The following SLC29A3 variants were observed in gnomAD, a reference collection of about 807,000 sequenced individuals.
The protein encoded by SLC29A3 is solute carrier family 29 member 3, also known as equilibrative nucleoside transporter 3.
SLC29A3 carries 18 observed loss-of-function variants against 25.4 expected under a neutral mutation model. The observed-to-expected ratio is 0.71, with a 90% CI of 0.49 to 1.05. The LOEUF (loss-of-function observed/expected upper bound fraction) is 1.05. Ranked by LOEUF, SLC29A3 falls within the 50% of genes least tolerant of loss-of-function variation. The probability of loss-of-function intolerance (pLI) is 0.00; values close to 1 mark genes in which losing one functional copy is unlikely to be tolerated. For missense variants in SLC29A3, 586 were observed against 609.0 expected, an observed-to-expected ratio of 0.96 and a Z score of 0.40; for synonymous variants, 258 against 267.1, an observed-to-expected ratio of 0.97 and a Z score of 0.33.
chr10:71,378,095 T>TGGGG (rs35084756), intron 4 of SLC29A3, among the ~76,000 whole-genome samples: 4 of 112,804 alleles, frequency 3.5e-5, no homozygotes, highest in Non-Finnish European at 5.2e-5. Context: ...TAGACAATGT[T>TGGGG]GGGGGGGGGG....
Position 71,362,746 on chromosome 10 carries a change from C to G in SLC29A3, c.*138C>G. The G allele has an allele frequency of 8.7e-7, 1 of 1,153,402 alleles. No individual in the cohort carries two copies. The highest frequency in any genetic ancestry group is 1.3e-6 in the Non-Finnish European group (1 of 791,462). 71.4% of individuals were successfully genotyped at this position (1,153,402 alleles called of 1,614,324 possible). A position where few individuals can be genotyped will look rare whatever the true frequency, so the allele number is the denominator to read the frequency against. ...CAGAGCACACTCGGGCCTCATCCCT[C>G]CCAAGATGCCAGTGAGCCACGTCCA... On this transcript the variant is annotated 3_prime_UTR_variant, in exon 6 of 6. Coordinates refer to ENST00000373189, the MANE Select transcript of SLC29A3 (RefSeq NM_018344.6).
At chr10:71,324,021 G>A (rs540960929) in intron 2 of SLC29A3, among the ~76,000 whole-genome samples, 170 of 152,282 alleles carry the variant, frequency 1.1e-3, no homozygotes, top group African/African-American at 4.0e-3. Context: ...GGGGGCAGTA[G>A]GGGAAGAGGA....
intron 3 of SLC29A3, among the ~76,000 whole-genome samples, chr10:71,350,349 G>GTGTGTGTGTA (rs1846721431): frequency 6.7e-6 from 1 of 148,550 alleles, no homozygotes; most frequent in Non-Finnish European, 1.5e-5. Flanking sequence ...GTGTGTGTGT[G>GTGTGTGTGTA]TATTTTTCCT....
At chr10:71,335,781 C>T (rs11815656) in intron 2 of SLC29A3, among the ~76,000 whole-genome samples, 29,002 of 151,962 alleles carry the variant, frequency 0.19, 3,123 homozygotes, top group Non-Finnish European at 0.25. Flanking sequence ...GACCCCCAAG[C>T]GGTTGTTCTG....
downstream of SLC29A3, chr10:71,366,324 G>A (rs969258577): frequency 6.6e-6 from 1 of 152,186 alleles, no homozygotes; most frequent in Non-Finnish European, 1.5e-5. Flanking sequence ...TGTATTGAAA[G>A]TGTGGCTTGG....
intron 3 of SLC29A3, among the ~76,000 whole-genome samples, chr10:71,369,503 G>A (rs1847195139): frequency 1.3e-5 from 2 of 152,236 alleles, no homozygotes. Flanking sequence ...AGAACTTAAA[G>A]ATTTGGAAAA....
At chr10:71,360,736 G>A (rs1047509500) in intron 5 of SLC29A3, among the ~76,000 whole-genome samples, 1 of 152,244 alleles carries the variant, frequency 6.6e-6, no homozygotes, top group South Asian at 2.1e-4. Flanking sequence ...TTATGTGTAG[G>A]GATATTCATT....
rs1386248709 is a variant in SLC29A3 at position 71,362,078 on chromosome 10, C to A, written c.898C>A (p.Pro300Thr). The A allele has an allele frequency of 6.2e-7, 1 of 1,614,168 alleles. No individual in the cohort carries two copies. The highest frequency in any genetic ancestry group is 8.5e-7 in the Non-Finnish European group (1 of 1,180,034). Residue 300 changes from proline to threonine, a missense_variant, in exon 6 of 6, where the codon CCC (proline) becomes ACC (threonine). By Grantham distance (38) the Pro-to-Thr change is conservative. Transcript: ENST00000373189. ...FIDSHTPPLR[P>T]ILKKTASLGF... is the part of the protein sequence containing the mutation. ...TGATTCCCACACACCCCCTCTCCGC[C>A]CCATCCTGAAGAAGACGGCCAGCCT... is the stretch of plus-strand genomic sequence containing the variant.
In SLC29A3 at chr10:71,358,263, C is replaced by T. The variant is rs1251873680; in HGVS notation, c.773+2020C>T. 5.3e-5 allele frequency among the ~76,000 whole-genome samples: 8 copies of T among 152,280 alleles called. No individual in the cohort carries two copies. In the East Asian group the frequency reaches 7.7e-4, roughly 15 times the overall value. On this transcript the variant is annotated intron_variant, in intron 5 of 5. Transcript: ENST00000373189. Reference sequence around the variant, plus strand: ...CCTGTCCTCATGAGGAGAGTCACTTCGTTAACCCCTAGAACCCCCAGCCTT... The same window carrying T: ...CCTGTCCTCATGAGGAGAGTCACTTTGTTAACCCCTAGAACCCCCAGCCTT...
intron 2 of SLC29A3, among the ~76,000 whole-genome samples, chr10:71,324,167 G>A (rs896745875): frequency 1.3e-5 from 2 of 152,230 alleles, no homozygotes; most frequent in Admixed American, 1.3e-4. Context: ...CAGCATGAGG[G>A]CTGGAGGATG....
intron 2 of SLC29A3, among the ~76,000 whole-genome samples, chr10:71,331,431 C>T (rs969536814): frequency 5.9e-5 from 9 of 151,964 alleles, no homozygotes; most frequent in South Asian, 2.1e-4. Context: ...ATTTTTAATA[C>T]GAGAGACATA....
chr10:71,324,352 C>T (rs908072801), intron 2 of SLC29A3, among the ~76,000 whole-genome samples: 2 of 152,042 alleles, frequency 1.3e-5, no homozygotes, highest in East Asian at 1.9e-4. Flanking sequence ...TACAGAGGGC[C>T]GACATTTCCT....
chr10:71,320,136 G>T (rs1202737112), intron 1 of SLC29A3, among the ~76,000 whole-genome samples: 3 of 152,240 alleles, frequency 2.0e-5, no homozygotes, highest in Non-Finnish European at 4.4e-5. Flanking sequence ...GCTCAGTCAA[G>T]CCTTGACAAA....
At chr10:71,377,381 C>T (rs972619646) in intron 4 of SLC29A3, among the ~76,000 whole-genome samples, 1 of 152,264 alleles carries the variant, frequency 6.6e-6, no homozygotes, top group Non-Finnish European at 1.5e-5. Flanking sequence ...CCGAGCCCGC[C>T]GCGCTCAGCT....
At chr10:71,373,664 G>A (rs1847228365) in intron 3 of SLC29A3, among the ~76,000 whole-genome samples, 1 of 152,192 alleles carries the variant, frequency 6.6e-6, no homozygotes. Flanking sequence ...CCCATCCTAT[G>A]GGACAAGGAG....
At chr10:71,335,056 T>C (rs949290121) in intron 2 of SLC29A3, among the ~76,000 whole-genome samples, 3 of 151,328 alleles carry the variant, frequency 2.0e-5, no homozygotes, top group Non-Finnish European at 4.4e-5. Flanking sequence ...ATTTGTTGAA[T>C]GAGTGAATGA....
At chr10:71,346,092 A>G (rs1589233969) in intron 3 of SLC29A3, among the ~76,000 whole-genome samples, 1 of 152,152 alleles carries the variant, frequency 6.6e-6, no homozygotes, top group East Asian at 1.9e-4. Flanking sequence ...CTCATTTTCC[A>G]GGTGGAAATC....
intron 4 of SLC29A3, among the ~76,000 whole-genome samples, chr10:71,354,616 T>C (rs1342219843): frequency 6.6e-6 from 1 of 152,156 alleles, no homozygotes; most frequent in Non-Finnish European, 1.5e-5. Flanking sequence ...AAAGTGGTGC[T>C]GTGTAAGAGC....
downstream of SLC29A3, among the ~76,000 whole-genome samples, chr10:71,368,244 TAAAAA>T (rs1034476022): frequency 6.8e-6 from 1 of 147,170 alleles, no homozygotes; most frequent in Non-Finnish European, 1.5e-5. Flanking sequence ...CTAAAAAAAA[TAAAAA>T]ATAAAATGAG....
Sources: gnomAD v4.1 joint callset for allele counts (sites outside exome capture counted in the v4.1 genomes callset) on GRCh38, gnomAD v4.1.1 for gene constraint, MANE v1.5 for transcripts, NCBI Gene and HGNC (gene_info 2026-07-23, HGNC 2026-07-21) for gene names.